The following NCAM2 variants were observed in gnomAD, a reference collection of about 807,000 sequenced individuals.
NCAM2 encodes N-CAM-2.
NCAM2 carries 30 observed loss-of-function variants against 98.1 expected under a neutral mutation model. That is an observed-to-expected ratio of 0.31 (90% CI 0.23 to 0.41). The LOEUF is 0.41. Ranked by LOEUF, NCAM2 falls within the 10% of genes least tolerant of loss-of-function variation. The probability of loss-of-function intolerance (pLI) is 1.00; values close to 1 mark genes in which losing one functional copy is unlikely to be tolerated. For missense variants in NCAM2, 867 were observed against 1,005.8 expected, an observed-to-expected ratio of 0.86 and a Z score of 1.87; for synonymous variants, 368 against 342.4, an observed-to-expected ratio of 1.07 and a Z score of -0.83.
intron 1 of NCAM2, among the ~76,000 whole-genome samples, chr21:21,108,962 AT>A (rs1325400902): frequency 6.6e-6 from 1 of 152,142 alleles, no homozygotes; most frequent in Non-Finnish European, 1.5e-5. Flanking sequence ...CCATATTTTC[AT>A]TGACTACAGT....
At chr21:21,135,245 C>CAAAA (rs3071998) in intron 1 of NCAM2, among the ~76,000 whole-genome samples, 52 of 88,468 alleles carry the variant, frequency 5.9e-4, no homozygotes, top group African/African-American at 2.2e-3. Context: ...GACTCCATCT[C>CAAAA]AAAAAAAAAA....
At chr21:21,210,430 A>T in intron 1 of NCAM2, 1 of 822,518 alleles carries the variant, frequency 1.2e-6, no homozygotes, top group Non-Finnish European at 1.6e-6. Context: ...TGAGATATTT[A>T]AGAGCACCAG....
At chr21:21,275,127 A>C (rs969226885) in intron 1 of NCAM2, among the ~76,000 whole-genome samples, 2 of 152,218 alleles carry the variant, frequency 1.3e-5, no homozygotes, top group South Asian at 4.1e-4. Flanking sequence ...TTTTATTTTG[A>C]GAAATAATCT....
intron 5 of NCAM2, among the ~76,000 whole-genome samples, chr21:21,292,626 A>G (rs973895854): frequency 1.3e-5 from 2 of 151,938 alleles, no homozygotes; most frequent in African/African-American, 4.8e-5. Context: ...AAATTTAATA[A>G]TTAAATTTTT....
At chr21:20,998,699 A>G (rs2063964832) in intron 1 of NCAM2, 81 bp downstream of exon 1, 1 of 1,328,490 alleles carries the variant, frequency 7.5e-7, no homozygotes, top group African/African-American at 1.5e-5. Context: ...AGGCGCAGGA[A>G]GAATGAAATG....
intron 8 of NCAM2, among the ~76,000 whole-genome samples, chr21:21,351,117 C>CAAA (rs61586915): frequency 8.0e-4 from 67 of 83,686 alleles, no homozygotes; most frequent in African/African-American, 1.8e-3. Context: ...GACTCTGTCT[C>CAAA]AAAAAAAAAA....
intron 1 of NCAM2, among the ~76,000 whole-genome samples, chr21:21,200,091 AG>A (rs2069155089): frequency 6.6e-6 from 1 of 152,142 alleles, no homozygotes; most frequent in South Asian, 2.1e-4. Context: ...TTAATTCTCA[AG>A]GAGGCAGCCC....
At chr21:21,241,750 G>C (rs2071075891) in intron 1 of NCAM2, among the ~76,000 whole-genome samples, 1 of 150,456 alleles carries the variant, frequency 6.6e-6, no homozygotes, top group South Asian at 2.1e-4. Context: ...TGGACAAAAG[G>C]CTGCATACTT....
intron 1 of NCAM2, among the ~76,000 whole-genome samples, chr21:21,064,705 A>G (rs2065396521): frequency 6.6e-6 from 1 of 152,232 alleles, no homozygotes; most frequent in Non-Finnish European, 1.5e-5. Context: ...ATCATGCTAC[A>G]GAAAACTGAG....
At chr21:21,232,633 G>T (rs1485270385) in intron 1 of NCAM2, among the ~76,000 whole-genome samples, 1 of 151,488 alleles carries the variant, frequency 6.6e-6, no homozygotes, top group Non-Finnish European at 1.5e-5. Flanking sequence ...CCATTAATAG[G>T]ACTAATTTTT....
chr21:21,270,085 T>C (rs951564293), intron 1 of NCAM2, among the ~76,000 whole-genome samples: 5 of 152,168 alleles, frequency 3.3e-5, no homozygotes, highest in African/African-American at 1.2e-4. Flanking sequence ...ACTCCTGTAA[T>C]TTAATTTAGT....
Position 21,284,359 on chromosome 21 carries a change from A to G in NCAM2, c.296A>G (p.Lys99Arg). The G allele has an allele frequency of 1.2e-6, 2 of 1,612,724 alleles. No individual in the cohort carries two copies. Among genetic ancestry groups the G allele is most frequent in the Non-Finnish European group, 1.7e-6 (2 of 1,179,094 alleles). ...TATCGTTGTCAAGCAACAGATGCCAAAGGACAAACACAAGAAGCTACAGTA... is the reference window on the plus strand; with the variant it reads ...TATCGTTGTCAAGCAACAGATGCCAGAGGACAAACACAAGAAGCTACAGTA... ...GIYRCQATDA[K>R]GQTQEATVVL... Residue 99 changes from lysine to arginine, a missense_variant, in exon 3 of 18, where the codon AAA (lysine) becomes AGA (arginine). Physicochemically the swap from Lys to Arg is conservative, Grantham distance 26. This residue lies in a region of NCAM2 where 447 missense variants were observed against 495.7 expected (regional missense o/e 0.90). Transcript: ENST00000400546.
At chr21:21,342,942 T>G (rs2075084582) in intron 8 of NCAM2, among the ~76,000 whole-genome samples, 1 of 152,142 alleles carries the variant, frequency 6.6e-6, no homozygotes, top group African/African-American at 2.4e-5. Context: ...AGTGGCAGGA[T>G]TTGAACTGTG....
intron 1 of NCAM2, among the ~76,000 whole-genome samples, chr21:21,052,173 T>C (rs1015615851): frequency 1.2e-5 from 1 of 80,590 alleles, no homozygotes; most frequent in Admixed American, 1.4e-4. Flanking sequence ...TTTTTTTTTT[T>C]TTGAGACGGA....
intron 1 of NCAM2, among the ~76,000 whole-genome samples, chr21:21,056,566 A>T (rs554894531): frequency 0.059 from 8,813 of 150,582 alleles, 265 homozygotes; most frequent in East Asian, 0.095. Context: ...AGAGAGTGAG[A>T]GAGAGAGATA....
intron 9 of NCAM2, among the ~76,000 whole-genome samples, chr21:21,388,726 A>C (rs1481447401): frequency 6.6e-6 from 1 of 152,216 alleles, no homozygotes; most frequent in Non-Finnish European, 1.5e-5. Flanking sequence ...GTTTTGGAAC[A>C]AATTGAGTAT....
chr21:21,357,235 C>T (rs777228651), intron 8 of NCAM2, among the ~76,000 whole-genome samples: 13 of 152,050 alleles, frequency 8.5e-5, no homozygotes, highest in African/African-American at 1.9e-4. Flanking sequence ...CCGTTCAATG[C>T]GTATGCCTCA....
At chr21:21,082,268 T>G (rs1601315406) in intron 1 of NCAM2, among the ~76,000 whole-genome samples, 1 of 99,762 alleles carries the variant, frequency 1.0e-5, no homozygotes. Flanking sequence ...TTTGTACCTA[T>G]CAGAGCTCAA....
At chr21:21,324,910 A>G (rs2074472676) in intron 6 of NCAM2, among the ~76,000 whole-genome samples, 2 of 152,188 alleles carry the variant, frequency 1.3e-5, no homozygotes, top group South Asian at 4.1e-4. Flanking sequence ...TTTGTATTAT[A>G]CACAAAATGT....
Sources: allele counts gnomAD v4.1 joint callset (sites outside exome capture counted in the v4.1 genomes callset), GRCh38; gene constraint gnomAD v4.1.1; regional missense constraint gnomAD v4.1.1; transcripts MANE v1.5; gene names NCBI Gene and HGNC (gene_info 2026-07-23, HGNC 2026-07-21).